ACVR2B: variants seen among roughly 807,000 people sequenced by gnomAD.
ACVR2B encodes activin A receptor type 2B.
A neutral mutation model predicts 65.1 loss-of-function variants in ACVR2B; 18 were observed. That is an observed-to-expected ratio of 0.28 (90% CI 0.19 to 0.41). ACVR2B has a LOEUF of 0.41. Ranked by LOEUF, ACVR2B falls within the 10% of genes least tolerant of loss-of-function variation. ACVR2B has a pLI of 1.00. For missense variants in ACVR2B, 482 were observed against 682.7 expected, an observed-to-expected ratio of 0.71 and a Z score of 3.28; for synonymous variants, 298 against 277.7, an observed-to-expected ratio of 1.07 and a Z score of -0.73.
chr3:38,458,758 A>G (rs1038168374), intron 1 of ACVR2B, among the ~76,000 whole-genome samples: 4 of 152,106 alleles, frequency 2.6e-5, no homozygotes, highest in Non-Finnish European at 4.4e-5. Context: ...CTGGGTCTGG[A>G]TAATATTTTT....
intron 1 of ACVR2B, among the ~76,000 whole-genome samples, chr3:38,455,920 G>A (rs568064875): frequency 1.9e-3 from 289 of 152,308 alleles, no homozygotes; most frequent in Non-Finnish European, 2.9e-3. Context: ...CCCGCTGGGT[G>A]CCTGATCCCT....
In ACVR2B at chr3:38,454,240, C is replaced by T; in HGVS notation, c.-83C>T. ...GAAGGAGCGGGAAGGAGAGCGCAGC[C>T]GCCGCCTGGCCCTGCGCGCCCCGGG... On this transcript the variant is annotated 5_prime_UTR_variant, in exon 1 of 11. Coordinates refer to ENST00000352511, the MANE Select transcript of ACVR2B (RefSeq NM_001106.4). 9.7e-7 allele frequency: 1 copy of T among 1,034,932 alleles called. No individual in the cohort carries two copies. Among genetic ancestry groups the T allele is most frequent in the African/African-American group, 1.7e-5 (1 of 58,640 alleles). The allele number at this position is 1,034,932 out of a possible 1,614,324, so 64.1% of individuals were successfully genotyped here.
At chr3:38,467,204 TC>T (rs1261767214) in intron 1 of ACVR2B, among the ~76,000 whole-genome samples, 1 of 152,160 alleles carries the variant, frequency 6.6e-6, no homozygotes, top group Non-Finnish European at 1.5e-5. Flanking sequence ...TCCAAACACT[TC>T]GGGAGGCTGA....
Position 38,485,706 on chromosome 3 carries a change from T to C in ACVR2B, c.*2374T>C, listed in dbSNP as rs1710108628. Reference sequence around the variant, plus strand: ...TTTTTTTTTTTTTAATGGTTTGATTTTGTGCTGTGGTATTTTTTTTCCCTT... The same window carrying C: ...TTTTTTTTTTTTTAATGGTTTGATTCTGTGCTGTGGTATTTTTTTTCCCTT... On this transcript the variant is annotated 3_prime_UTR_variant, in exon 11 of 11. Coordinates refer to ENST00000352511, the MANE Select transcript of ACVR2B (RefSeq NM_001106.4). The C allele has an allele frequency of 6.7e-6, 1 of 150,182 alleles. No homozygotes were observed. Among genetic ancestry groups the C allele is most frequent in the Non-Finnish European group, 1.5e-5 (1 of 67,470 alleles). The allele number at this position is 150,182 out of a possible 1,614,324, so 9.3% of individuals were successfully genotyped here.
chr3:38,476,284 G>T (rs1240016477), intron 1 of ACVR2B: 1 of 152,284 alleles, frequency 6.6e-6, no homozygotes, highest in Non-Finnish European at 1.5e-5. Context: ...GGCAGGTGGG[G>T]GTTGAAGTCG....
chr3:38,471,494 CAT>C (rs1165489277), intron 1 of ACVR2B, among the ~76,000 whole-genome samples: 1 of 152,186 alleles, frequency 6.6e-6, no homozygotes, highest in African/African-American at 2.4e-5. Flanking sequence ...AACGCCCACA[CAT>C]GAGTGCACAC....
chr3:38,487,223 G>C lies in ACVR2B; in HGVS notation c.*3891G>C, dbSNP rs911488220. On this transcript the variant is annotated 3_prime_UTR_variant, in exon 11 of 11. Coordinates refer to ENST00000352511, the MANE Select transcript of ACVR2B (RefSeq NM_001106.4). The stretch of plus-strand genomic sequence containing the variant: ...TTCTGACTCTGAATACATCATGTCC[G>C]GACTTGGGGGTGTTTCTGCAGAAAA... 1 of 152,220 alleles carries C rather than the reference G, an allele frequency of 6.6e-6. No homozygotes were observed. The highest frequency in any genetic ancestry group is 2.4e-5 in the African/African-American group (1 of 41,434). The allele number at this position is 152,220 out of a possible 1,614,324, so 9.4% of individuals were successfully genotyped here. A position where few individuals can be genotyped will look rare whatever the true frequency, so the allele number is the denominator to read the frequency against.
At position 38,485,828 on chromosome 3, in the gene ACVR2B, A is replaced by G. The variant is rs1169163767; in HGVS notation, c.*2496A>G. 1.3e-5 allele frequency: 2 copies of G among 152,284 alleles called. No homozygotes were observed. The highest frequency in any genetic ancestry group is 1.9e-4 in the East Asian group (1 of 5,190). 9.4% of individuals were successfully genotyped at this position (152,284 alleles called of 1,614,324 possible). ...TTTAAAATATTTATTGAAAAGTGCC[A>G]TATCTAATTTCTTTAGCTTTCGCCT... On this transcript the variant is annotated 3_prime_UTR_variant, in exon 11 of 11. Coordinates refer to ENST00000352511, the MANE Select transcript of ACVR2B (RefSeq NM_001106.4).
chr3:38,458,397 C>T (rs1460042712), intron 1 of ACVR2B, among the ~76,000 whole-genome samples: 1 of 152,198 alleles, frequency 6.6e-6, no homozygotes, highest in Non-Finnish European at 1.5e-5. Flanking sequence ...CTGTTTTGTA[C>T]AGATACTGGG....
In ACVR2B at chr3:38,454,231, G is replaced by A. The variant is rs1709501122; in HGVS notation, c.-92G>A. On this transcript the variant is annotated 5_prime_UTR_variant, in exon 1 of 11. Transcript: ENST00000352511. The stretch of plus-strand genomic sequence containing the variant: ...AGACCGAAGGAAGGAGCGGGAAGGA[G>A]AGCGCAGCCGCCGCCTGGCCCTGCG... The A allele has an allele frequency of 2.1e-6, 2 of 959,192 alleles. No homozygotes were observed. Among genetic ancestry groups the A allele is most frequent in the South Asian group, 3.9e-5 (1 of 25,812 alleles). The allele number at this position is 959,192 out of a possible 1,614,324, so 59.4% of individuals were successfully genotyped here. A position where few individuals can be genotyped will look rare whatever the true frequency, so the allele number is the denominator to read the frequency against.
rs1710111630 is a variant in ACVR2B, at chr3:38,485,860, G to T, written c.*2528G>T. ...ATTTCTTTAGCTTTCGCCTCAGGCA[G>T]TGCAGGCATCTTTACTTTTCATCCT... is the stretch of plus-strand genomic sequence containing the variant. On this transcript the variant is annotated 3_prime_UTR_variant, in exon 11 of 11. Coordinates refer to ENST00000352511, the MANE Select transcript of ACVR2B (RefSeq NM_001106.4). The T allele has an allele frequency of 6.6e-6, 1 of 152,472 alleles. No individual in the cohort carries two copies. The highest frequency in any genetic ancestry group is 2.1e-4 in the South Asian group (1 of 4,826). The allele number at this position is 152,472 out of a possible 1,614,324, so 9.4% of individuals were successfully genotyped here.
chr3:38,476,947 T>G, intron 1 of ACVR2B: 2 of 411,524 alleles, frequency 4.9e-6, no homozygotes, highest in Non-Finnish European at 9.0e-6. Context: ...GAGCCTCAGG[T>G]GTTGGTGCCC....
At position 38,489,407 on chromosome 3, in the gene ACVR2B, A is replaced by G. The variant is rs529749747; in HGVS notation, c.*6075A>G. 1 of 152,778 alleles carries G rather than the reference A, an allele frequency of 6.5e-6. No homozygotes were observed. The highest frequency in any genetic ancestry group is 2.1e-4 in the South Asian group (1 of 4,832). 9.5% of individuals were successfully genotyped at this position (152,778 alleles called of 1,614,324 possible). A position where few individuals can be genotyped will look rare whatever the true frequency, so the allele number is the denominator to read the frequency against. Reference sequence around the variant, plus strand: ...GCTTTACCTTTCAAGAGAAACGTACACTGGAGCATGAGTGGTGTGGAACTT... The same window carrying G: ...GCTTTACCTTTCAAGAGAAACGTACGCTGGAGCATGAGTGGTGTGGAACTT... On this transcript the variant is annotated 3_prime_UTR_variant, in exon 11 of 11. Transcript: ENST00000352511.
Position 38,481,142 on chromosome 3 carries a change from GCCTT to G in ACVR2B, c.960-206_960-203del, listed in dbSNP as rs1268887802. Among the ~76,000 whole-genome samples the G allele has an allele frequency of 1.3e-5, 2 of 152,182 alleles. No homozygotes were observed. Among genetic ancestry groups the G allele is most frequent in the Non-Finnish European group, 2.9e-5 (2 of 68,020 alleles). ...TGTTGCTTTGCCAACCCTGGGGGAA[GCCTT>G]CCATCTGAAGTGCACTGAGGGATTC... On this transcript the variant is annotated intron_variant, in intron 7 of 10. Transcript: ENST00000352511. This position sits in a 1 kb window ranked among gnomAD's most constrained non-coding sequence, Gnocchi z 4.7.
At chr3:38,468,604 CTTTAGACTCA>C (rs1239466425) in intron 1 of ACVR2B, among the ~76,000 whole-genome samples, 1 of 152,166 alleles carries the variant, frequency 6.6e-6, no homozygotes, top group Non-Finnish European at 1.5e-5. Context: ...ACTCTTCTGT[CTTTAGACTCA>C]TTTTTACCCC....
chr3:38,479,539 C>T (rs1283366701), intron 6 of ACVR2B, 139 bp from the exon 7 acceptor site: 4 of 1,127,698 alleles, frequency 3.5e-6, no homozygotes, highest in Admixed American at 3.6e-5. Flanking sequence ...CTGGCCTCAT[C>T]CATCTTCCAT....
At chr3:38,458,922 T>C (rs1374170971) in intron 1 of ACVR2B, among the ~76,000 whole-genome samples, 1 of 152,218 alleles carries the variant, frequency 6.6e-6, no homozygotes, top group Admixed American at 6.5e-5. Flanking sequence ...TGAGCTGTTC[T>C]GTGCATTGTA....
rs900746157 is a variant in ACVR2B, at chr3:38,483,530, T to C, written c.*198T>C. The C allele has an allele frequency of 4.6e-6, 1 of 216,874 alleles. No homozygotes were observed. The highest frequency in any genetic ancestry group is 8.3e-6 in the Non-Finnish European group (1 of 119,974). 13.4% of individuals were successfully genotyped at this position (216,874 alleles called of 1,614,324 possible). A position where few individuals can be genotyped will look rare whatever the true frequency, so the allele number is the denominator to read the frequency against. ...TTATTTTTTGGATTGGATCAGTTTTTACCAGCATATTGCTCTACTGTATCA... is the reference window on the plus strand; with the variant it reads ...TTATTTTTTGGATTGGATCAGTTTTCACCAGCATATTGCTCTACTGTATCA... On this transcript the variant is annotated 3_prime_UTR_variant, in exon 11 of 11. Transcript: ENST00000352511. This position sits in a 1 kb window ranked among gnomAD's most constrained non-coding sequence, Gnocchi z 4.8.
intron 1 of ACVR2B, 27 bp downstream of exon 1, chr3:38,454,401 G>A (rs1709505194): frequency 2.4e-6 from 3 of 1,245,454 alleles, no homozygotes; most frequent in Non-Finnish European, 3.0e-6. Context: ...GCGCGGGGAC[G>A]CCGAGAGGGC....
Sources: gnomAD v4.1 joint callset for allele counts (sites outside exome capture counted in the v4.1 genomes callset) on GRCh38, gnomAD v4.1.1 for gene constraint, Gnocchi (gnomAD v3.1) non-coding constraint, MANE v1.5 for transcripts, NCBI Gene and HGNC (gene_info 2026-07-23, HGNC 2026-07-21) for gene names.